ALS2: variants seen among roughly 807,000 people sequenced by gnomAD.
ALS2 encodes alsin Rho guanine nucleotide exchange factor ALS2.
A neutral mutation model predicts 203.4 loss-of-function variants in ALS2; 117 were observed. The ratio of observed to expected loss-of-function variants is 0.58; its 90% confidence interval spans 0.50 to 0.67. The LOEUF (loss-of-function observed/expected upper bound fraction) is 0.67, where lower values mean the gene tolerates loss of function less well. ALS2 is among the 30% of genes least tolerant of loss of function. The pLI is 0.00. For missense variants in ALS2, 1,715 were observed against 1,989.4 expected, an observed-to-expected ratio of 0.86 and a Z score of 2.62; for synonymous variants, 718 against 725.9, an observed-to-expected ratio of 0.99 and a Z score of 0.17.
intron 24 of ALS2, among the ~76,000 whole-genome samples, chr2:201,717,760 C>T (rs997846854): frequency 3.3e-5 from 5 of 151,548 alleles, no homozygotes; most frequent in African/African-American, 9.7e-5. Context: ...TGAGCAATAG[C>T]AAGACCCAGT....
rs542969259 is a variant in ALS2, at chr2:201,775,675, T to C, written c.-61+5202A>G. Among the ~76,000 whole-genome samples the C allele has an allele frequency of 4.6e-5, 7 of 151,842 alleles. 1 individual carries two copies. Among genetic ancestry groups the C allele is most frequent in the Admixed American group, 3.3e-4 (5 of 15,248 alleles). ...CCAACTAACCACCAAGAAGGCCACT[T>C]GGAACCCCACGCCTCTCAGCCTTAA... On this transcript the variant is annotated intron_variant, in intron 1 of 33. Transcript: ENST00000264276.
chr2:201,751,731 A>C (rs1049194499), intron 7 of ALS2, among the ~76,000 whole-genome samples: 1 of 152,188 alleles, frequency 6.6e-6, no homozygotes, highest in Non-Finnish European at 1.5e-5. Context: ...TATGCCTAAA[A>C]GACTCATCTT....
chr2:201,731,574 T>C (rs897140282), intron 13 of ALS2, among the ~76,000 whole-genome samples: 11 of 152,292 alleles, frequency 7.2e-5, no homozygotes, highest in African/African-American at 2.6e-4. Context: ...ATAGAATTCA[T>C]TCAATAAAAG....
intron 1 of ALS2, among the ~76,000 whole-genome samples, chr2:201,773,808 C>A (rs1230079613): frequency 6.6e-6 from 1 of 152,112 alleles, no homozygotes; most frequent in African/African-American, 2.4e-5. Context: ...GAGGATCGGA[C>A]AAAGAGGACT....
intron 11 of ALS2, among the ~76,000 whole-genome samples, chr2:201,739,613 G>T (rs1440700786): frequency 6.6e-6 from 1 of 151,788 alleles, no homozygotes; most frequent in Non-Finnish European, 1.5e-5. Flanking sequence ...CGCGGTGGCG[G>T]ATGCCTGTAA....
At chr2:201,726,268 G>C (rs993059993) in intron 19 of ALS2, among the ~76,000 whole-genome samples, 3 of 152,166 alleles carry the variant, frequency 2.0e-5, no homozygotes, top group Non-Finnish European at 4.4e-5. Context: ...TGTGTAATTT[G>C]AGGTCACACG....
chr2:201,761,526 C>A lies in ALS2; in HGVS notation c.468G>T (p.Ala156=). 6.2e-7 allele frequency: 1 copy of A among 1,614,138 alleles called. No homozygotes were observed. Reference sequence around the variant, plus strand: ...ATGCCAGAGTGTGCTCCTCGCCACACGCCAACTGTAAAATCCTGACTGCTA... The same window carrying A: ...ATGCCAGAGTGTGCTCCTCGCCACAAGCCAACTGTAAAATCCTGACTGCTA... The part of the protein sequence containing the change: ...PLLAVRILQL[A]CGEEHTLALS... The change falls in exon 4 of 34, where the codon GCG becomes GCT. Residue 156 remains alanine (A), a synonymous_variant. Transcript: ENST00000264276.
At position 201,748,957 on chromosome 2, in the gene ALS2, C is replaced by G. The variant is rs7560439; in HGVS notation, c.1815+755G>C. Among the ~76,000 whole-genome samples the G allele has an allele frequency of 2.5e-3, 379 of 152,256 alleles. 4 individuals carry two copies. Among genetic ancestry groups the G allele is most frequent in the African/African-American group, 8.3e-3 (346 of 41,560 alleles). ...CTCCATTACTCCAGAGGGAGCATGT[C>G]TTGGGAACGGGGAGATATCAGAATC... is the stretch of plus-strand genomic sequence containing the variant. On this transcript the variant is annotated intron_variant, in intron 8 of 33. Coordinates refer to ENST00000264276, the MANE Select transcript of ALS2 (RefSeq NM_020919.4).
At chr2:201,722,947 T>A in intron 23 of ALS2, 96 bp downstream of exon 23, 2 of 995,208 alleles carry the variant, frequency 2.0e-6, no homozygotes, top group Non-Finnish European at 3.1e-6. Flanking sequence ...TTGAAAGGGG[T>A]GAATTTTATG....
chr2:201,722,840 G>A, intron 23 of ALS2: 2 of 577,358 alleles, frequency 3.5e-6, no homozygotes, highest in Non-Finnish European at 6.1e-6. Flanking sequence ...CACTGAATGA[G>A]CAGAAGGGAT....
intron 1 of ALS2, among the ~76,000 whole-genome samples, chr2:201,777,068 A>G (rs1331172301): frequency 6.6e-6 from 1 of 152,218 alleles, no homozygotes; most frequent in Non-Finnish European, 1.5e-5. Context: ...AACCAAGTTA[A>G]GCTTTTCAAA....
At chr2:201,708,784 C>T (rs550024945) in intron 27 of ALS2, among the ~76,000 whole-genome samples, 9 of 152,162 alleles carry the variant, frequency 5.9e-5, no homozygotes, top group South Asian at 4.1e-4. Context: ...CTTATTTTTA[C>T]GGACTTAAAT....
At position 201,741,935 on chromosome 2, in the gene ALS2, C is replaced by T. The variant is rs528750712; in HGVS notation, c.2171-81G>A. 7.4e-4 allele frequency: 930 copies of T among 1,258,658 alleles called. 11 individuals are homozygous for T. Among genetic ancestry groups the T allele is most frequent in the Middle Eastern group, 6.6e-3 (36 of 5,452 alleles). The allele number at this position is 1,258,658 out of a possible 1,614,324, so 78.0% of individuals were successfully genotyped here. A position where few individuals can be genotyped will look rare whatever the true frequency, so the allele number is the denominator to read the frequency against. On this transcript the variant is annotated intron_variant, in intron 10 of 33. Transcript: ENST00000264276. ...TATGATGTGATTATGATTATGAATT[C>T]CTCTAAGACTACTTAACCTGTTGCC...
chr2:201,750,169 A>C lies in ALS2; in HGVS notation c.1738-380T>G, dbSNP rs749821543. Among the ~76,000 whole-genome samples the C allele has an allele frequency of 4.2e-3, 433 of 102,542 alleles. 1 individual carries two copies. The highest frequency in any genetic ancestry group is 6.2e-3 in the Non-Finnish European group (305 of 49,272). The allele number at this position is 102,542 out of a possible 152,430, so 67.3% of individuals were successfully genotyped here. Reference sequence around the variant, plus strand: ...CAATATGAGCAAAAGTCGGTATCCCAAAAAAAAAAAAAAGAAAAGAAAAGA... The same window carrying C: ...CAATATGAGCAAAAGTCGGTATCCCCAAAAAAAAAAAAAGAAAAGAAAAGA... On this transcript the variant is annotated intron_variant, in intron 7 of 33. Transcript: ENST00000264276.
At chr2:201,727,010 G>T in intron 17 of ALS2, 144 bp from the exon 18 acceptor site, 1 of 876,234 alleles carries the variant, frequency 1.1e-6, no homozygotes, top group Non-Finnish European at 1.8e-6. Flanking sequence ...ACTGGCTCTT[G>T]TATTTCTCTG....
intron 27 of ALS2, among the ~76,000 whole-genome samples, chr2:201,708,347 T>G (rs1689852480): frequency 6.6e-6 from 1 of 152,156 alleles, no homozygotes; most frequent in African/African-American, 2.4e-5. Flanking sequence ...AGAAATTAAG[T>G]GTCCAACATT....
intron 7 of ALS2, among the ~76,000 whole-genome samples, 187 bp from the exon 8 acceptor site, chr2:201,749,976 G>T (rs938633687): frequency 3.3e-5 from 5 of 152,010 alleles, no homozygotes; most frequent in Admixed American, 2.6e-4. Flanking sequence ...GAGATAATGC[G>T]CAAATAGAGT....
chr2:201,769,033 G>A lies in ALS2; in HGVS notation c.-60-88C>T, dbSNP rs1374348965. ...AAAAAAAAGCAGCCCTCTAACAAGTGCACATTCACTAGGAAATAAATATGC... is the reference window on the plus strand; with the variant it reads ...AAAAAAAAGCAGCCCTCTAACAAGTACACATTCACTAGGAAATAAATATGC... On this transcript the variant is annotated intron_variant, in intron 1 of 33. Transcript: ENST00000264276. 4.9e-6 allele frequency: 3 copies of A among 616,200 alleles called. No homozygotes were observed. The East Asian group carries it at 8.5e-5, about 18-fold the overall frequency. The allele number at this position is 616,200 out of a possible 1,614,324, so 38.2% of individuals were successfully genotyped here.
rs1194455955 is a variant in ALS2, at chr2:201,701,846, G to T, written c.*5C>A. On this transcript the variant is annotated 3_prime_UTR_variant, in exon 34 of 34. Transcript: ENST00000264276. ...GATAATCCAGTTTTCAAGCTGTTAT[G>T]CAGCCTAGTTAAGCTTCTCACGCTG... 1.2e-6 allele frequency: 2 copies of T among 1,613,474 alleles called. No homozygotes were observed. The highest frequency in any genetic ancestry group is 1.1e-5 in the South Asian group (1 of 91,058).
Sources: gnomAD v4.1 joint callset for allele counts (sites outside exome capture counted in the v4.1 genomes callset) on GRCh38, gnomAD v4.1.1 for gene constraint, MANE v1.5 for transcripts, NCBI Gene and HGNC (gene_info 2026-07-23, HGNC 2026-07-21) for gene names.